Variants in USP39 observed in about 807,000 individuals in gnomAD.
USP39 encodes the protein ubiquitin carboxyl-terminal hydrolase 39.
In USP39, 38 loss-of-function variants were observed where a neutral mutation model predicts 66.4. The ratio of observed to expected loss-of-function variants is 0.57; its 90% CI spans 0.44 to 0.75. USP39 has a LOEUF of 0.75. Among genes scored for constraint, USP39 ranks in the 30% least tolerant of loss-of-function variants. The pLI is 0.00. For missense variants in USP39, 608 were observed against 714.4 expected, an observed-to-expected ratio of 0.85 and a Z score of 1.70; for synonymous variants, 303 against 274.6, an observed-to-expected ratio of 1.10 and a Z score of -1.02.
At chr2:85,642,402 C>G (rs1676302179) in intron 10 of USP39, among the ~76,000 whole-genome samples, 2 of 152,272 alleles carry the variant, frequency 1.3e-5, no homozygotes, top group East Asian at 1.9e-4. Flanking sequence ...TGCCAGTCAC[C>G]TGTCTGTTCC....
chr2:85,619,320 C>T, intron 2 of USP39, 31 bp downstream of exon 2: 3 of 1,606,274 alleles, frequency 1.9e-6, no homozygotes, highest in Non-Finnish European at 2.6e-6. Context: ...GAGTATAGCA[C>T]AAGAACAATG....
Position 85,647,990 on chromosome 2 carries a change from A to G in USP39, c.1624A>G (p.Ile542Val). 2 of 1,614,152 alleles carry G rather than the reference A, an allele frequency of 1.2e-6. No individual in the cohort carries two copies. Among genetic ancestry groups the G allele is most frequent in the Non-Finnish European group, 1.7e-6 (2 of 1,180,024 alleles). Residue 542 changes from isoleucine to valine, a missense_variant, in exon 12 of 13, where the codon ATC (isoleucine) becomes GTC (valine). This residue lies in a region of USP39 where 164 missense variants were observed against 250.3 expected (regional missense o/e 0.66). Transcript: ENST00000323701. ...GGTGACTGACATCCTTCCCCAGATG[A>G]TCACACTGTCAGAGGCTTACATTCA... ...LQVTDILPQM[I>V]TLSEAYIQIW...
Position 85,621,494 on chromosome 2 carries a change from G to A in USP39, c.348G>A (p.Leu116=), listed in dbSNP as rs375044452. 2.0e-5 allele frequency: 33 copies of A among 1,613,826 alleles called. No homozygotes were observed. Among genetic ancestry groups the A allele is most frequent in the Admixed American group, 1.2e-4 (7 of 59,996 alleles). The part of the protein sequence containing the change: ...PYLDTINRSV[L]DFDFEKLCSI... ...TGTTTTGTTTCCTTAGGAGTGTGCT[G>A]GACTTTGACTTTGAGAAACTGTGTT... The change falls in exon 3 of 13, where the codon CTG becomes CTA. Residue 116 remains leucine, a synonymous_variant. Transcript: ENST00000323701.
Position 85,606,074 on chromosome 2 carries a change from G to A in USP39, n.226+2993G>A, listed in dbSNP as rs574060314. Among the ~76,000 whole-genome samples the A allele has an allele frequency of 3.9e-5, 6 of 152,316 alleles. No individual in the cohort carries two copies. The South Asian group carries it at 8.3e-4, about 21-fold the overall frequency. On this transcript the variant is annotated intron_variant and non_coding_transcript_variant, in intron 1 of 12. Transcript: ENST00000459775. ...ATCAGTGACATCACCCATTGTGGCC[G>A]AGGAACCACAAAACCTTAAAATACA...
In USP39 at chr2:85,630,799, G is replaced by T. The variant is rs898859767; in HGVS notation, c.802G>T (p.Asp268Tyr). ...TAAGAACATCAAACGTCCTCCAGGG[G>T]ATATCATGTTCTTGTTGGTCCAGCG... ...NYKNIKRPPG[D>Y]IMFLLVQRFG... The change falls in exon 6 of 13, where the codon GAT becomes TAT. Residue 268 changes from aspartate to tyrosine, a missense_variant. Physicochemically the swap from Asp to Tyr is radical, Grantham distance 160 (BLOSUM62 -3). Transcript: ENST00000323701. 4 of 1,614,046 alleles carry T rather than the reference G, an allele frequency of 2.5e-6. No homozygotes were observed. The highest frequency in any genetic ancestry group is 1.3e-5 in the African/African-American group (1 of 74,910).
chr2:85,611,455 T>C, upstream of USP39: 1 of 1,544,122 alleles, frequency 6.5e-7, no homozygotes, highest in Non-Finnish European at 8.7e-7. Context: ...TCCCCGATAC[T>C]CTGACAGCGA....
At chr2:85,612,485 A>G, upstream of USP39, 1 of 1,010,726 alleles carries the variant, frequency 9.9e-7, no homozygotes, top group Non-Finnish European at 1.4e-6. Context: ...ATGGATTGTG[A>G]GGCCTTGAAG....
chr2:85,637,908 G>T (rs983831094), intron 8 of USP39, among the ~76,000 whole-genome samples: 1 of 152,120 alleles, frequency 6.6e-6, no homozygotes, highest in African/African-American at 2.4e-5. Flanking sequence ...GTTGGTCCAG[G>T]CTGGTCTCGA....
chr2:85,607,174 C>G (rs961962748), upstream of USP39: 1 of 152,168 alleles, frequency 6.6e-6, no homozygotes, highest in African/African-American at 2.4e-5. Flanking sequence ...AAACAGACCT[C>G]AAATGTATTT....
intron 1 of USP39, 81 bp downstream of exon 1, chr2:85,616,544 T>G: frequency 5.8e-6 from 2 of 344,948 alleles, no homozygotes; most frequent in Non-Finnish European, 8.7e-6. Context: ...TTCCGCTAGG[T>G]CACTGCGCCG....
At chr2:85,609,454 G>A, upstream of USP39, 1 of 1,614,206 alleles carries the variant, frequency 6.2e-7, no homozygotes, top group Non-Finnish European at 8.5e-7. Flanking sequence ...GATAACTGAT[G>A]TGACCTCTCC....
chr2:85,633,780 A>C (rs1675549122), intron 6 of USP39, among the ~76,000 whole-genome samples: 2 of 151,632 alleles, frequency 1.3e-5, no homozygotes, highest in Non-Finnish European at 2.9e-5. Flanking sequence ...AAATAAAAAG[A>C]AAAACATTAT....
chr2:85,637,293 A>G, intron 7 of USP39, 76 bp from the exon 8 acceptor site: 2 of 1,539,336 alleles, frequency 1.3e-6, no homozygotes, highest in Non-Finnish European at 1.8e-6. Context: ...TATTTCAGAA[A>G]TTTAGAAGCT....
At chr2:85,619,138 T>G in intron 1 of USP39, 82 bp from the exon 2 acceptor site, 1 of 1,478,524 alleles carries the variant, frequency 6.8e-7, no homozygotes, top group Non-Finnish European at 9.3e-7. Flanking sequence ...GTTTTTCCCA[T>G]TTCTGTTTCT....
Position 85,644,997 on chromosome 2 carries a change from A to G in USP39, c.1477A>G (p.Lys493Glu), listed in dbSNP as rs1676527587. ...GTCTGAAGAAGTACAAGCAGTACACAAGAATACCACCTATGACCTCATTGC... is the reference window on the plus strand; with the variant it reads ...GTCTGAAGAAGTACAAGCAGTACACGAGAATACCACCTATGACCTCATTGC... ...YLSEEVQAVH[K>E]NTTYDLIANI... The change falls in exon 11 of 13, where the codon AAG becomes GAG. Residue 493 changes from lysine (K) to glutamate (E), a missense_variant. Physicochemically the swap from Lys to Glu is moderately conservative, Grantham distance 56. Around this residue, in one of 6 missense-constraint regions of USP39, gnomAD observed 164 missense variants for 250.3 expected, o/e 0.66. Coordinates refer to ENST00000323701, the MANE Select transcript of USP39 (RefSeq NM_006590.4). The G allele has an allele frequency of 6.2e-7, 1 of 1,614,070 alleles. No homozygotes were observed. Among genetic ancestry groups the G allele is most frequent in the Non-Finnish European group, 8.5e-7 (1 of 1,180,048 alleles).
At chr2:85,636,476 G>C (rs963870293) in intron 7 of USP39, among the ~76,000 whole-genome samples, 4 of 152,030 alleles carry the variant, frequency 2.6e-5, no homozygotes, top group African/African-American at 9.7e-5. Flanking sequence ...CATAGTTTTT[G>C]CTAGAATATG....
Position 85,623,745 on chromosome 2 carries a change from A to G in USP39, c.533A>G (p.Asn178Ser). The change falls in exon 4 of 13, where the codon AAC becomes AGC. Residue 178 changes from asparagine to serine, a missense_variant. Asn to Ser is a conservative substitution (Grantham distance 46). Transcript: ENST00000323701. ...HTLKFYCLPD[N>S]YEIIDSSLED... is the part of the protein sequence containing the mutation. ...CTCAAGTTTTACTGCCTTCCAGACA[A>G]CTATGAGATCATCGATTCCTCATTG... The G allele has an allele frequency of 6.2e-7, 1 of 1,613,612 alleles. No homozygotes were observed. The highest frequency in any genetic ancestry group is 8.5e-7 in the Non-Finnish European group (1 of 1,179,870).
intron 6 of USP39, among the ~76,000 whole-genome samples, chr2:85,633,177 G>T (rs1675500311): frequency 6.6e-6 from 1 of 151,926 alleles, no homozygotes; most frequent in African/African-American, 2.4e-5. Context: ...CTGGAGTGCA[G>T]TGGTGTGATC....
intron 8 of USP39, among the ~76,000 whole-genome samples, chr2:85,638,258 G>T (rs1675937106): frequency 6.6e-6 from 1 of 151,890 alleles, no homozygotes; most frequent in African/African-American, 2.4e-5. Flanking sequence ...CTGACCTTAG[G>T]TGATCCACCT....
Sources: gnomAD v4.1 joint callset for allele counts (sites outside exome capture counted in the v4.1 genomes callset) on GRCh38, gnomAD v4.1.1 for gene constraint, gnomAD v4.1.1 regional missense constraint, MANE v1.5 for transcripts, NCBI Gene and HGNC (gene_info 2026-07-23, HGNC 2026-07-21) for gene names.